AXDND1: variants seen among roughly 807,000 people sequenced by gnomAD.
AXDND1 encodes the protein axonemal dynein light chain domain containing 1.
Under a neutral mutation model 137.5 loss-of-function variants are expected in AXDND1, and 110 were observed. That is an observed-to-expected ratio of 0.80 (90% CI 0.69 to 0.94). The LOEUF is 0.94. AXDND1 is among the 40% of genes least tolerant of loss of function. AXDND1 has a pLI of 0.00. For missense variants in AXDND1, 1,191 were observed against 1,169.8 expected, an observed-to-expected ratio of 1.02 and a Z score of -0.26; for synonymous variants, 414 against 399.7, an observed-to-expected ratio of 1.04 and a Z score of -0.43.
chr1:179,366,838 A>G (rs1667469860), intron 2 of AXDND1, among the ~76,000 whole-genome samples: 1 of 152,186 alleles, frequency 6.6e-6, no homozygotes, highest in Admixed American at 6.5e-5. Context: ...ATGTTGATTT[A>G]TATATGATTT....
intron 4 of AXDND1, among the ~76,000 whole-genome samples, chr1:179,377,973 A>AG (rs1305559778): frequency 2.6e-5 from 4 of 152,150 alleles, no homozygotes; most frequent in Admixed American, 2.6e-4. Context: ...GTTTGAGACC[A>AG]GCGTGGCCAA....
intron 11 of AXDND1, among the ~76,000 whole-genome samples, chr1:179,404,482 A>G (rs919466565): frequency 2.3e-4 from 30 of 132,002 alleles, no homozygotes; most frequent in Non-Finnish European, 3.4e-5. Flanking sequence ...TCGCCCTCCC[A>G]AAGTGCTGGA....
chr1:179,480,131 G>C (rs1665179480), intron 17 of AXDND1, among the ~76,000 whole-genome samples: 1 of 152,122 alleles, frequency 6.6e-6, no homozygotes, highest in African/African-American at 2.4e-5. Flanking sequence ...ACATTTTTGG[G>C]TATATTTACA....
intron 11 of AXDND1, among the ~76,000 whole-genome samples, chr1:179,410,582 A>C (rs1653721582): frequency 6.6e-6 from 1 of 152,224 alleles, no homozygotes; most frequent in Non-Finnish European, 1.5e-5. Flanking sequence ...GGAAAAAGGT[A>C]TGTTCTGGTA....
At chr1:179,485,207 C>T (rs958950850) in intron 18 of AXDND1, among the ~76,000 whole-genome samples, 4 of 152,224 alleles carry the variant, frequency 2.6e-5, no homozygotes, top group African/African-American at 4.8e-5. Flanking sequence ...TGCTGCACTG[C>T]TGCTGCTCCT....
At chr1:179,530,392 G>A (rs1375053278) in intron 23 of AXDND1, among the ~76,000 whole-genome samples, 1 of 152,090 alleles carries the variant, frequency 6.6e-6, no homozygotes, top group African/African-American at 2.4e-5. Flanking sequence ...ACCCCCACCA[G>A]TCCCAGCTAC....
chr1:179,411,393 G>A (rs1307070345), intron 12 of AXDND1, 127 bp downstream of exon 12: 3 of 1,261,252 alleles, frequency 2.4e-6, no homozygotes, highest in African/African-American at 1.6e-5. Flanking sequence ...TGCTTAGGCT[G>A]GAATTCAGTG....
intron 25 of AXDND1, among the ~76,000 whole-genome samples, chr1:179,535,236 T>TA (rs982205727): frequency 3.5e-4 from 53 of 152,304 alleles, no homozygotes; most frequent in African/African-American, 1.2e-3. Flanking sequence ...TTCTTTTTTT[T>TA]ATTATACTTT....
At chr1:179,489,207 T>G (rs1572054120) in intron 18 of AXDND1, among the ~76,000 whole-genome samples, 1 of 152,158 alleles carries the variant, frequency 6.6e-6, no homozygotes, top group Non-Finnish European at 1.5e-5. Flanking sequence ...AGCACAAAAA[T>G]TATATTCACT....
At chr1:179,528,616 G>A (rs1048714629) in intron 23 of AXDND1, among the ~76,000 whole-genome samples, 185 bp downstream of exon 23, 18 of 146,738 alleles carry the variant, frequency 1.2e-4, no homozygotes, top group Non-Finnish European at 2.1e-4. Context: ...CTTTACAAAA[G>A]CTTCTCATTC....
rs143676264 is a variant in AXDND1, at chr1:179,513,824, CTTCTAGGTT to C, written c.2496+4428_2496+4436del. Among the ~76,000 whole-genome samples, 1,315 of 152,130 alleles carry C rather than the reference CTTCTAGGTT, an allele frequency of 8.6e-3. 39 individuals are homozygous for C. Among genetic ancestry groups the C allele is most frequent in the Admixed American group, 0.056 (852 of 15,282 alleles). On this transcript the variant is annotated intron_variant, in intron 21 of 25. Transcript: ENST00000367618. Reference sequence around the variant, plus strand: ...TATTTTTCCAGGAATTTATCCATCTCTTCTAGGTTTTCTAGTTTATGTGCATAAAGATGT... The same window carrying C: ...TATTTTTCCAGGAATTTATCCATCTCTTCTAGTTTATGTGCATAAAGATGT...
At chr1:179,503,306 A>G (rs572283860) in intron 20 of AXDND1, among the ~76,000 whole-genome samples, 7 of 152,132 alleles carry the variant, frequency 4.6e-5, no homozygotes, top group African/African-American at 9.6e-5. Flanking sequence ...GAACAGTTTT[A>G]TAACTATTAT....
intron 18 of AXDND1, 104 bp downstream of exon 18, chr1:179,483,325 A>G (rs1665653613): frequency 6.3e-6 from 4 of 632,912 alleles, no homozygotes; most frequent in Non-Finnish European, 1.1e-5. Context: ...GGAGGTTGAG[A>G]GGGCAAAATA....
intron 23 of AXDND1, among the ~76,000 whole-genome samples, chr1:179,528,707 T>C (rs889879048): frequency 1.4e-5 from 2 of 140,062 alleles, no homozygotes; most frequent in Non-Finnish European, 3.0e-5. Flanking sequence ...TTCTCCTGCC[T>C]CAGTTTCTGG....
chr1:179,398,915 G>A (rs994398457), intron 11 of AXDND1, among the ~76,000 whole-genome samples: 1 of 152,142 alleles, frequency 6.6e-6, no homozygotes. Context: ...TGCCATATCA[G>A]TGGCAGGGCA....
chr1:179,374,488 G>A (rs977667732), intron 4 of AXDND1, among the ~76,000 whole-genome samples: 22 of 152,048 alleles, frequency 1.4e-4, no homozygotes, highest in Non-Finnish European at 2.6e-4. Context: ...TATACCCAAA[G>A]GATTATACAT....
chr1:179,532,051 A>G (rs890732932), intron 23 of AXDND1, among the ~76,000 whole-genome samples: 1 of 152,230 alleles, frequency 6.6e-6, no homozygotes, highest in African/African-American at 2.4e-5. Flanking sequence ...GGGGATTGCC[A>G]TCTGGCACAC....
chr1:179,538,287 G>A (rs1572208883), intron 25 of AXDND1, among the ~76,000 whole-genome samples: 2 of 152,050 alleles, frequency 1.3e-5, no homozygotes, highest in Admixed American at 6.6e-5. Flanking sequence ...TGATGTTAGG[G>A]TGTCAATGTT....
At chr1:179,543,106 T>G (rs1672319339) in intron 25 of AXDND1, 2 of 152,258 alleles carry the variant, frequency 1.3e-5, no homozygotes, top group South Asian at 4.1e-4. Context: ...AATCACTTTT[T>G]TCCTGAGGGT....
Sources: gnomAD v4.1 joint callset for allele counts (sites outside exome capture counted in the v4.1 genomes callset) on GRCh38, gnomAD v4.1.1 for gene constraint, MANE v1.5 for transcripts, NCBI Gene and HGNC (gene_info 2026-07-23, HGNC 2026-07-21) for gene names.